Variants in DAB1 observed in about 807,000 individuals in gnomAD.
DAB1 encodes the protein DAB adaptor protein 1, also known as disabled homolog 1.
A neutral mutation model predicts 64.6 loss-of-function variants in DAB1; 15 were observed. The ratio of observed to expected loss-of-function variants is 0.23; its 90% CI spans 0.16 to 0.36. The LOEUF (loss-of-function observed/expected upper bound fraction) is 0.36. DAB1 is among the 10% of genes least tolerant of loss of function. DAB1 has a pLI of 1.00. For missense variants in DAB1, 596 were observed against 706.7 expected (o/e 0.84, Z 1.78); for synonymous variants, 235 against 251.9 (o/e 0.93, Z 0.64).
chr1:57,171,923 A>G (rs1164262011), intron 2 of DAB1, among the ~76,000 whole-genome samples: 1 of 152,154 alleles, frequency 6.6e-6, no homozygotes, highest in African/African-American at 2.4e-5. Flanking sequence ...AACATCAGAA[A>G]TGTATTGTCT....
intron 3 of DAB1, among the ~76,000 whole-genome samples, chr1:58,406,872 T>G (rs1569736411): frequency 6.6e-6 from 1 of 152,164 alleles, no homozygotes; most frequent in East Asian, 1.9e-4. Context: ...TTAAGCAAGT[T>G]ACTTAACCTC....
At chr1:57,641,131 G>T (rs866572735) in intron 7 of DAB1, among the ~76,000 whole-genome samples, 1 of 152,044 alleles carries the variant, frequency 6.6e-6, no homozygotes, top group African/African-American at 2.4e-5. Context: ...CTCTAAGGTT[G>T]CTATAAGGAC....
At chr1:57,715,413 T>C (rs1647072630) in intron 6 of DAB1, among the ~76,000 whole-genome samples, 1 of 152,190 alleles carries the variant, frequency 6.6e-6, no homozygotes, top group Admixed American at 6.5e-5. Flanking sequence ...AGCATAGTAC[T>C]TGAAGTTCTA....
chr1:57,599,892 C>A (rs994725595), intron 7 of DAB1, among the ~76,000 whole-genome samples: 1 of 152,164 alleles, frequency 6.6e-6, no homozygotes, highest in South Asian at 2.1e-4. Context: ...AAAGAAATTT[C>A]CAGCTTTCTA....
intron 4 of DAB1, among the ~76,000 whole-genome samples, chr1:57,117,621 T>C (rs1656257817): frequency 6.6e-6 from 1 of 152,216 alleles, no homozygotes; most frequent in Non-Finnish European, 1.5e-5. Flanking sequence ...GTGCGGTATA[T>C]GTCATTATTT....
chr1:57,650,776 G>A (rs1374372458), intron 6 of DAB1, among the ~76,000 whole-genome samples: 1 of 151,994 alleles, frequency 6.6e-6, no homozygotes, highest in African/African-American at 2.4e-5. Flanking sequence ...AATTAGTTGG[G>A]GACTCCCTAT....
At chr1:57,565,284 G>A (rs1645104128) in intron 7 of DAB1, among the ~76,000 whole-genome samples, 1 of 152,094 alleles carries the variant, frequency 6.6e-6, no homozygotes, top group Admixed American at 6.5e-5. Flanking sequence ...CACTAAACAT[G>A]GAAAGGAACA....
chr1:58,079,592 G>A (rs902370649), intron 5 of DAB1, among the ~76,000 whole-genome samples: 2 of 139,114 alleles, frequency 1.4e-5, no homozygotes, highest in African/African-American at 5.4e-5. Flanking sequence ...GCGCAATCTC[G>A]GCTCACTGCA....
chr1:57,945,725 C>T (rs1255800390), intron 5 of DAB1, among the ~76,000 whole-genome samples: 1 of 152,136 alleles, frequency 6.6e-6, no homozygotes, highest in Non-Finnish European at 1.5e-5. Context: ...TACATACCTG[C>T]ATATATACAA....
chr1:57,800,929 A>G (rs796606309), intron 6 of DAB1, among the ~76,000 whole-genome samples: 21 of 152,292 alleles, frequency 1.4e-4, no homozygotes, highest in African/African-American at 4.8e-4. Context: ...ATCTATATAC[A>G]CAGGCATTTA....
chr1:58,318,542 C>T (rs996857930), intron 4 of DAB1, among the ~76,000 whole-genome samples: 7 of 152,310 alleles, frequency 4.6e-5, no homozygotes, highest in Non-Finnish European at 1.0e-4. Context: ...AAATGTGAGA[C>T]CTGTATAGAA....
At chr1:57,903,126 AC>A (rs1644500740) in intron 5 of DAB1, among the ~76,000 whole-genome samples, 1 of 151,940 alleles carries the variant, frequency 6.6e-6, no homozygotes, top group East Asian at 1.9e-4. Flanking sequence ...GGAAAGACCC[AC>A]CCCCATGATT....
At chr1:58,480,958 T>A in intron 3 of DAB1, 1 of 858,812 alleles carries the variant, frequency 1.2e-6, no homozygotes, top group East Asian at 2.4e-5. Flanking sequence ...GTCTCATAAA[T>A]TTTAATTCAA....
intron 1 of DAB1, among the ~76,000 whole-genome samples, chr1:57,858,808 C>T (rs972580202): frequency 6.7e-6 from 1 of 149,574 alleles, no homozygotes; most frequent in Non-Finnish European, 1.5e-5. Flanking sequence ...GAGATTTTAC[C>T]TGATTACAAA....
chr1:58,323,771 A>C (rs1662752793), intron 4 of DAB1, among the ~76,000 whole-genome samples: 3 of 151,882 alleles, frequency 2.0e-5, no homozygotes, highest in Admixed American at 2.0e-4. Context: ...TAAAAATACA[A>C]AAAATTAGCC....
rs528452370 is a variant in DAB1 at position 57,568,996 on chromosome 1, C to T, written n.625+80596G>A. Among the ~76,000 whole-genome samples, 4 of 152,164 alleles carry T rather than the reference C, an allele frequency of 2.6e-5. No individual in the cohort carries two copies. The South Asian group carries it at 6.2e-4, about 24-fold the overall frequency. On this transcript the variant is annotated intron_variant and non_coding_transcript_variant, in intron 7 of 20. Coordinates refer to the DAB1 transcript ENST00000485760. ...ATGCACGGCCGGGCGCGGTGGCTCA[C>T]GCCTGTAATCCCAGCACTTTGGGAG...
intron 7 of DAB1, among the ~76,000 whole-genome samples, chr1:57,505,946 C>T (rs1248826126): frequency 6.6e-6 from 1 of 152,224 alleles, no homozygotes; most frequent in Non-Finnish European, 1.5e-5. Flanking sequence ...GTTAAGATTA[C>T]AGGCATGAGC....
intron 3 of DAB1, among the ~76,000 whole-genome samples, chr1:58,385,958 G>A (rs1474145510): frequency 2.6e-5 from 4 of 152,118 alleles, no homozygotes; most frequent in South Asian, 2.1e-4. Context: ...AAGACTCTAC[G>A]GAACAGATAC....
intron 4 of DAB1, among the ~76,000 whole-genome samples, chr1:58,308,857 G>A (rs1365891388): frequency 1.3e-5 from 2 of 152,132 alleles, no homozygotes; most frequent in Non-Finnish European, 1.5e-5. Context: ...AGACTCAGGC[G>A]CTCCCCATAT....
Sources: gnomAD v4.1 joint callset for allele counts (sites outside exome capture counted in the v4.1 genomes callset) on GRCh38, gnomAD v4.1.1 for gene constraint, MANE v1.5 for transcripts, NCBI Gene and HGNC (gene_info 2026-07-23, HGNC 2026-07-21) for gene names.